Variants in DYNC2I2 observed in about 807,000 individuals in gnomAD.
DYNC2I2 encodes dynein 2 intermediate chain 2, also known as cytoplasmic dynein 2 intermediate chain 2.
A neutral mutation model predicts 52.0 loss-of-function variants in DYNC2I2; 39 were observed. That is an observed-to-expected ratio of 0.75 (90% CI 0.58 to 0.98). The LOEUF (loss-of-function observed/expected upper bound fraction) is 0.98. Among genes scored for constraint, DYNC2I2 ranks in the 50% least tolerant of loss-of-function variants. DYNC2I2 has a pLI of 0.00. For synonymous variants in DYNC2I2, 359 were observed against 321.1 expected (o/e 1.12, Z -1.26); for missense variants, 743 against 728.4 (o/e 1.02, Z -0.23).
intron 1 of DYNC2I2, among the ~76,000 whole-genome samples, chr9:128,652,918 C>T (rs1034813811): frequency 7.5e-6 from 1 of 133,394 alleles, no homozygotes; most frequent in Non-Finnish European, 1.6e-5. Context: ...AACTCCGTCT[C>T]AAAAAAAAAA....
chr9:128,649,559 C>T (rs886114341), intron 1 of DYNC2I2, among the ~76,000 whole-genome samples: 20 of 151,020 alleles, frequency 1.3e-4, no homozygotes, highest in Non-Finnish European at 2.1e-4. Context: ...CCTAGTGGGA[C>T]GCGCCTGTAA....
At chr9:128,677,006 G>A in the DYNC2I2 span, among the ~76,000 whole-genome samples, 5 of 151,752 alleles carry the variant, frequency 3.3e-5, no homozygotes, top group Admixed American at 2.0e-4. Flanking sequence ...CTGCCACCAC[G>A]GCCGGCTAAT....
rs978136900 is a variant in DYNC2I2 at position 128,636,468 on chromosome 9, G to A, written c.546-30C>T. 14 of 1,574,656 alleles carry A rather than the reference G, an allele frequency of 8.9e-6. No individual in the cohort carries two copies. The African/African-American group carries it at 1.6e-4, about 18-fold the overall frequency. ...GCAGGGACAGGCTTGAGCCGGCTGT[G>A]CCCCTGGGTGGGGCTCCTATCACCC... On this transcript the variant is annotated intron_variant, in intron 3 of 8. Coordinates refer to ENST00000372715, the MANE Select transcript of DYNC2I2 (RefSeq NM_052844.4).
the DYNC2I2 span, among the ~76,000 whole-genome samples, chr9:128,666,542 A>T: frequency 1.3e-5 from 2 of 152,046 alleles, no homozygotes; most frequent in Non-Finnish European, 2.9e-5. Context: ...TGGGCGGATC[A>T]CTTGAGGTCA....
At chr9:128,681,428 A>G in the DYNC2I2 span, among the ~76,000 whole-genome samples, 1 of 152,114 alleles carries the variant, frequency 6.6e-6, no homozygotes, top group Non-Finnish European at 1.5e-5. Context: ...CCTTTCCTTG[A>G]ATATCTCACA....
the DYNC2I2 span, among the ~76,000 whole-genome samples, chr9:128,680,893 C>T: frequency 6.6e-6 from 1 of 151,808 alleles, no homozygotes; most frequent in South Asian, 2.1e-4. Flanking sequence ...CTGGGTTGGT[C>T]TCAAACTCCT....
the DYNC2I2 span, chr9:128,683,816 C>G: frequency 8.0e-7 from 1 of 1,254,718 alleles, no homozygotes; most frequent in Non-Finnish European, 1.1e-6. Context: ...GCCGCTGGCA[C>G]CTGGGGCAGT....
At chr9:128,644,283 T>TTG (rs1860572429) in intron 1 of DYNC2I2, among the ~76,000 whole-genome samples, 1 of 151,010 alleles carries the variant, frequency 6.6e-6, no homozygotes, top group Non-Finnish European at 1.5e-5. Context: ...GCCTTTTTTT[T>TTG]TTTTTGAGAC....
upstream of DYNC2I2, among the ~76,000 whole-genome samples, chr9:128,657,096 C>G (rs1475370723): frequency 2.6e-5 from 4 of 152,226 alleles, no homozygotes; most frequent in Non-Finnish European, 5.9e-5. Flanking sequence ...GGCCTGGGAG[C>G]GCAGATCTGG....
the DYNC2I2 span, among the ~76,000 whole-genome samples, chr9:128,677,908 A>T: frequency 3.9e-5 from 6 of 152,258 alleles, no homozygotes; most frequent in East Asian, 5.8e-4. Flanking sequence ...CTCTGGGGAC[A>T]GCCATGTGAT....
intron 1 of DYNC2I2, among the ~76,000 whole-genome samples, chr9:128,644,408 G>A (rs975342442): frequency 1.1e-4 from 17 of 151,816 alleles, no homozygotes; most frequent in African/African-American, 3.9e-4. Context: ...CCAAGTAGCT[G>A]GGACTACAGG....
Position 128,634,256 on chromosome 9 carries a change from G to A in DYNC2I2, c.1342C>T (p.Pro448Ser), listed in dbSNP as rs766321458. ...CCAGAGGCAGCTGCAAAAACCAAGG[G>A]CCGCACTGGGGACCAGCGCACAGCA... ...LFAVRWSPVR[P>S]LVFAAASGKG... Residue 448 changes from proline (P) to serine (S), a missense_variant, in exon 8 of 9, where the codon CCC becomes TCC. Physicochemically the swap from Pro to Ser is moderately conservative, Grantham distance 74. Transcript: ENST00000372715. 2 of 1,613,840 alleles carry A rather than the reference G, an allele frequency of 1.2e-6. No individual in the cohort carries two copies. Among genetic ancestry groups the A allele is most frequent in the South Asian group, 1.1e-5 (1 of 91,088 alleles).
rs1860243089 is a variant in DYNC2I2, at chr9:128,633,823, T to C, written c.1532A>G (p.Gln511Arg). 2 of 1,613,500 alleles carry C rather than the reference T, an allele frequency of 1.2e-6. No homozygotes were observed. Among genetic ancestry groups the C allele is most frequent in the Non-Finnish European group, 1.7e-6 (2 of 1,180,050 alleles). ...TTGTTCCGTGAACTCTGTGCTCAGC[T>C]GCCACACCTTCACTGTGCCCTGGGC... ...GDAQGTVKVW[Q>R]LSTEFTEQGP... The change falls in exon 9 of 9, where the codon CAG (glutamine) becomes CGG (arginine). Residue 511 changes from glutamine to arginine, a missense_variant. Coordinates refer to ENST00000372715, the MANE Select transcript of DYNC2I2 (RefSeq NM_052844.4).
chr9:128,671,711 G>C, the DYNC2I2 span, among the ~76,000 whole-genome samples: 2 of 151,098 alleles, frequency 1.3e-5, no homozygotes, highest in Non-Finnish European at 2.9e-5. Context: ...GAGTGCAGCG[G>C]CTCGATCTCG....
chr9:128,668,248 C>T, the DYNC2I2 span, among the ~76,000 whole-genome samples: 291 of 130,502 alleles, frequency 2.2e-3, 2 homozygotes, highest in African/African-American at 7.3e-3. Context: ...CGTGAGCCAC[C>T]ACGCCCGGCC....
chr9:128,635,019 G>A (rs1446597735), intron 6 of DYNC2I2, 73 bp downstream of exon 6: 3 of 1,583,258 alleles, frequency 1.9e-6, no homozygotes, highest in Admixed American at 1.7e-5. Context: ...CAGCAAGTCA[G>A]GCCCACTGCC....
intron 1 of DYNC2I2, among the ~76,000 whole-genome samples, chr9:128,646,192 T>C (rs924751177): frequency 1.3e-5 from 2 of 152,174 alleles, no homozygotes; most frequent in African/African-American, 4.8e-5. Context: ...CACTAAACAA[T>C]AGATTTTCTT....
At chr9:128,661,063 C>T (rs961390573), upstream of DYNC2I2, among the ~76,000 whole-genome samples, 3 of 151,856 alleles carry the variant, frequency 2.0e-5, no homozygotes, top group Admixed American at 6.6e-5. Flanking sequence ...TGTGTTGAGC[C>T]GGCCGCAATG....
intron 2 of DYNC2I2, among the ~76,000 whole-genome samples, chr9:128,638,503 G>A (rs1449286908): frequency 3.4e-5 from 5 of 148,904 alleles, no homozygotes; most frequent in East Asian, 3.9e-4. Flanking sequence ...GCGACAGAGC[G>A]AGACTCCATC....
Sources: allele counts gnomAD v4.1 joint callset (sites outside exome capture counted in the v4.1 genomes callset), GRCh38; gene constraint gnomAD v4.1.1; transcripts MANE v1.5; gene names NCBI Gene and HGNC (gene_info 2026-07-23, HGNC 2026-07-21).